Variants in FHL2 observed in about 807,000 individuals in gnomAD.
The protein encoded by FHL2 is four and a half LIM domains 2.
Under a neutral mutation model 32.7 loss-of-function variants are expected in FHL2, and 20 were observed. The ratio of observed to expected loss-of-function variants is 0.61; its 90% confidence interval spans 0.43 to 0.89. The LOEUF (loss-of-function observed/expected upper bound fraction) is 0.89. FHL2 is among the 40% of genes least tolerant of loss of function. The pLI is 0.00. For synonymous variants in FHL2, 123 were observed against 128.1 expected (o/e 0.96, Z 0.27); for missense variants, 311 against 358.6 (o/e 0.87, Z 1.07).
intron 1 of FHL2, among the ~76,000 whole-genome samples, chr2:105,415,199 C>A (rs957517673): frequency 7.9e-5 from 12 of 152,316 alleles, no homozygotes; most frequent in Admixed American, 5.2e-4. Context: ...GAGGCAAAAT[C>A]TCACTCTCTG....
intron 2 of FHL2, among the ~76,000 whole-genome samples, chr2:105,392,133 G>A (rs146014685): frequency 3.0e-4 from 46 of 152,294 alleles, no homozygotes; most frequent in African/African-American, 1.0e-3. Flanking sequence ...GATGGCCCAG[G>A]GAAGGCTTTG....
At chr2:105,377,472 A>G (rs1436436867) in intron 3 of FHL2, among the ~76,000 whole-genome samples, 1 of 152,066 alleles carries the variant, frequency 6.6e-6, no homozygotes, top group African/African-American at 2.4e-5. Flanking sequence ...CTCTACTAAA[A>G]ATACAAAAAT....
chr2:105,382,841 T>C (rs1681996736), intron 3 of FHL2, among the ~76,000 whole-genome samples: 2 of 152,218 alleles, frequency 1.3e-5, no homozygotes, highest in Admixed American at 1.3e-4. Flanking sequence ...ATTTGTTAAA[T>C]GCACAGTATT....
At chr2:105,364,687 A>G (rs72823877) in intron 5 of FHL2, among the ~76,000 whole-genome samples, 2 of 152,356 alleles carry the variant, frequency 1.3e-5, no homozygotes, top group Non-Finnish European at 2.9e-5. Flanking sequence ...GCACCTCACA[A>G]TCACACTTTT....
chr2:105,428,931 G>A (rs992021174), intron 1 of FHL2, among the ~76,000 whole-genome samples: 1 of 152,200 alleles, frequency 6.6e-6, no homozygotes, highest in African/African-American at 2.4e-5. Flanking sequence ...TTTATCAAAC[G>A]TCTGTGGTTG....
chr2:105,432,193 C>A (rs556427903), intron 1 of FHL2, among the ~76,000 whole-genome samples: 3 of 152,178 alleles, frequency 2.0e-5, no homozygotes, highest in Non-Finnish European at 4.4e-5. Context: ...TGGATGATCG[C>A]CCATGCTGGT....
intron 6 of FHL2, among the ~76,000 whole-genome samples, chr2:105,362,823 TC>T (rs1454768863): frequency 6.6e-6 from 1 of 152,204 alleles, no homozygotes; most frequent in Non-Finnish European, 1.5e-5. Flanking sequence ...TATGAAAAAC[TC>T]CTTAGAATGT....
At chr2:105,438,528 A>G, upstream of FHL2, 1 of 985,476 alleles carries the variant, frequency 1.0e-6, no homozygotes, top group Non-Finnish European at 1.2e-6. Context: ...TGCCCTTGTC[A>G]GTGGCGCTAT....
At chr2:105,370,010 C>T (rs942420763) in intron 4 of FHL2, among the ~76,000 whole-genome samples, 19 of 152,206 alleles carry the variant, frequency 1.2e-4, no homozygotes, top group Admixed American at 1.1e-3. Flanking sequence ...AACTGAATCG[C>T]ACACTCTGAA....
intron 1 of FHL2, among the ~76,000 whole-genome samples, chr2:105,414,613 C>T (rs1026753260): frequency 2.0e-5 from 3 of 152,210 alleles, no homozygotes; most frequent in Non-Finnish European, 2.9e-5. Flanking sequence ...AGTGCAGTAG[C>T]AGGATCTCAG....
intron 3 of FHL2, among the ~76,000 whole-genome samples, chr2:105,381,070 C>T (rs770228604): frequency 5.7e-4 from 86 of 152,092 alleles, no homozygotes; most frequent in Non-Finnish European, 5.9e-4. Flanking sequence ...CTCTGGGTGG[C>T]AGGGTCACCC....
At chr2:105,395,428 G>T (rs903568837) in intron 2 of FHL2, among the ~76,000 whole-genome samples, 2 of 152,062 alleles carry the variant, frequency 1.3e-5, no homozygotes, top group Non-Finnish European at 2.9e-5. Context: ...TCCCAAGTGC[G>T]GCTCACTGTT....
chr2:105,387,457 G>T (rs893719608), intron 2 of FHL2, among the ~76,000 whole-genome samples: 8 of 152,172 alleles, frequency 5.3e-5, no homozygotes, highest in Admixed American at 3.3e-4. Context: ...CTCCCTGCGG[G>T]TAAGATCATC....
Position 105,386,521 on chromosome 2 carries a change from A to T in FHL2, c.-5T>A. On this transcript the variant is annotated 5_prime_UTR_variant, in exon 3 of 7. Coordinates refer to ENST00000530340, the MANE Select transcript of FHL2 (RefSeq NM_001318895.3). ...GCAGTCAAAGCGCTCAGTCATTTTG[A>T]CTCCTGGCTTTTCAGCAACCTATCA... 1 of 1,613,736 alleles carries T rather than the reference A, an allele frequency of 6.2e-7. No individual in the cohort carries two copies. The highest frequency in any genetic ancestry group is 1.1e-5 in the South Asian group (1 of 91,068).
At chr2:105,412,129 A>G (rs989417644) in intron 1 of FHL2, among the ~76,000 whole-genome samples, 1 of 152,222 alleles carries the variant, frequency 6.6e-6, no homozygotes, top group African/African-American at 2.4e-5. Flanking sequence ...ATACCTGCAC[A>G]CTCATGTTCA....
At chr2:105,391,371 C>A (rs183116080) in intron 2 of FHL2, among the ~76,000 whole-genome samples, 81 of 152,184 alleles carry the variant, frequency 5.3e-4, no homozygotes, top group African/African-American at 1.9e-3. Flanking sequence ...AGAGGAGGAG[C>A]CCCTGAGAGA....
chr2:105,408,872 C>T (rs944983143), intron 1 of FHL2, among the ~76,000 whole-genome samples: 16 of 152,260 alleles, frequency 1.1e-4, no homozygotes, highest in African/African-American at 3.4e-4. Context: ...TTCCCCTTTC[C>T]GTCTGAAGCT....
chr2:105,394,152 C>T (rs1317825569), intron 2 of FHL2, among the ~76,000 whole-genome samples: 1 of 152,178 alleles, frequency 6.6e-6, no homozygotes, highest in East Asian at 1.9e-4. Flanking sequence ...GGAGTATCTA[C>T]ACACAAAAAC....
At chr2:105,389,684 C>A (rs547822401) in intron 2 of FHL2, among the ~76,000 whole-genome samples, 36 of 152,154 alleles carry the variant, frequency 2.4e-4, no homozygotes, top group Non-Finnish European at 3.5e-4. Context: ...GTCTGACTTA[C>A]AGAAAATGAA....
Sources: allele counts gnomAD v4.1 joint callset (sites outside exome capture counted in the v4.1 genomes callset), GRCh38; gene constraint gnomAD v4.1.1; transcripts MANE v1.5; gene names NCBI Gene and HGNC (gene_info 2026-07-23, HGNC 2026-07-21).